The following ARHGAP10 variants were observed in gnomAD, a reference collection of about 807,000 sequenced individuals.
The protein encoded by ARHGAP10 is rho GTPase-activating protein 10.
Under a neutral mutation model 108.6 loss-of-function variants are expected in ARHGAP10, and 87 were observed. The ratio of observed to expected loss-of-function variants is 0.80; its 90% CI spans 0.67 to 0.96. The LOEUF (loss-of-function observed/expected upper bound fraction) is 0.96. ARHGAP10 is among the 40% of genes least tolerant of loss of function. The pLI, the probability that ARHGAP10 is intolerant of heterozygous loss-of-function variation, is 0.00. For synonymous variants in ARHGAP10, 347 were observed against 341.1 expected, an observed-to-expected ratio of 1.02 and a Z score of -0.19; for missense variants, 939 against 954.5, an observed-to-expected ratio of 0.98 and a Z score of 0.21.
chr4:148,006,359 A>C (rs1436845726), intron 18 of ARHGAP10, among the ~76,000 whole-genome samples: 1 of 152,264 alleles, frequency 6.6e-6, no homozygotes, highest in Non-Finnish European at 1.5e-5. Context: ...GGAGGCACCC[A>C]GCTGACAACG....
chr4:147,792,645 G>A (rs1269908145), intron 1 of ARHGAP10, among the ~76,000 whole-genome samples: 1 of 151,880 alleles, frequency 6.6e-6, no homozygotes, highest in Admixed American at 6.6e-5. Flanking sequence ...TGGTCCTCTG[G>A]GGCCTTGCTT....
chr4:148,029,525 TTTCGTTGACA>T (rs1728038801), intron 19 of ARHGAP10, among the ~76,000 whole-genome samples: 1 of 152,224 alleles, frequency 6.6e-6, no homozygotes, highest in Non-Finnish European at 1.5e-5. Flanking sequence ...TGGCATGGAT[TTTCGTTGACA>T]TTCTGTAGCT....
intron 10 of ARHGAP10, among the ~76,000 whole-genome samples, chr4:147,898,187 T>TTTGA (rs143720487): frequency 0.78 from 118,518 of 152,000 alleles, 48,822 homozygotes; most frequent in Non-Finnish European, 0.92. Context: ...TGCCTTAGGC[T>TTTGA]GCATTTCTTG....
Position 147,955,358 on chromosome 4 carries a change from T to G in ARHGAP10, c.1434T>G (p.Asp478Glu). 1 of 1,611,680 alleles carries G rather than the reference T, an allele frequency of 6.2e-7. No homozygotes were observed. The highest frequency in any genetic ancestry group is 8.5e-7 in the Non-Finnish European group (1 of 1,178,260). Residue 478 changes from aspartate to glutamate, a missense_variant, in exon 16 of 23, where the codon GAT becomes GAG. Transcript: ENST00000336498. The part of the protein sequence containing the change: ...EPLMTYELHG[D>E]FIVPAKSGSP... ...TCATGACCTATGAGTTACATGGAGA[T>G]TTCATTGTTCCAGCCAGTAAGTATT...
chr4:147,933,168 C>T (rs1318989049), intron 13 of ARHGAP10, among the ~76,000 whole-genome samples: 1 of 152,084 alleles, frequency 6.6e-6, no homozygotes. Flanking sequence ...GTCTCTGGTG[C>T]CTTATATTGC....
At chr4:147,909,269 A>T (rs554725043) in intron 11 of ARHGAP10, among the ~76,000 whole-genome samples, 3 of 152,326 alleles carry the variant, frequency 2.0e-5, no homozygotes, top group Admixed American at 6.5e-5. Flanking sequence ...CGGAGCCCCC[A>T]TGCCCTCAGT....
At chr4:147,909,308 A>G (rs1173302818) in intron 11 of ARHGAP10, among the ~76,000 whole-genome samples, 2 of 152,154 alleles carry the variant, frequency 1.3e-5, no homozygotes, top group Non-Finnish European at 2.9e-5. Flanking sequence ...GCACTTCCTC[A>G]TGTTCACCAA....
At chr4:147,970,528 G>C (rs944054353) in intron 18 of ARHGAP10, among the ~76,000 whole-genome samples, 4 of 152,084 alleles carry the variant, frequency 2.6e-5, no homozygotes, top group African/African-American at 9.7e-5. Context: ...ATGGCGAGAA[G>C]GAAGTCATTT....
chr4:147,981,110 T>C (rs1240401569), intron 18 of ARHGAP10, among the ~76,000 whole-genome samples: 1 of 152,182 alleles, frequency 6.6e-6, no homozygotes, highest in Non-Finnish European at 1.5e-5. Flanking sequence ...TTGCTAACTT[T>C]GGGTTTAGTT....
At chr4:148,019,301 T>C (rs772435286) in intron 18 of ARHGAP10, among the ~76,000 whole-genome samples, 3 of 152,236 alleles carry the variant, frequency 2.0e-5, no homozygotes, top group Non-Finnish European at 2.9e-5. Flanking sequence ...GTTACAATTA[T>C]ATTATGAATA....
rs370532827 is a variant in ARHGAP10, at chr4:147,754,114, T to A, written c.154+21659T>A. Among the ~76,000 whole-genome samples, 51 of 152,306 alleles carry A rather than the reference T, an allele frequency of 3.3e-4. 1 individual carries two copies. The East Asian group carries it at 9.3e-3, about 28-fold the overall frequency. Reference sequence around the variant, plus strand: ...AGTGTCTAGAACAGTGCCTTGCTCATAGGCACTGAGTCAGTACCCATCTGG... The same window carrying A: ...AGTGTCTAGAACAGTGCCTTGCTCAAAGGCACTGAGTCAGTACCCATCTGG... On this transcript the variant is annotated intron_variant, in intron 1 of 22. Coordinates refer to ENST00000336498, the MANE Select transcript of ARHGAP10 (RefSeq NM_024605.4).
chr4:147,806,426 C>A (rs940599001), intron 1 of ARHGAP10, among the ~76,000 whole-genome samples: 2 of 146,776 alleles, frequency 1.4e-5, no homozygotes, highest in African/African-American at 5.1e-5. Flanking sequence ...ATATATAATT[C>A]ATTATTAATA....
At chr4:147,962,272 A>C (rs1739027737) in intron 16 of ARHGAP10, among the ~76,000 whole-genome samples, 1 of 152,206 alleles carries the variant, frequency 6.6e-6, no homozygotes, top group Admixed American at 6.5e-5. Context: ...TCTGCTGCTA[A>C]AACCTGTCAG....
intron 1 of ARHGAP10, among the ~76,000 whole-genome samples, chr4:147,818,920 T>C (rs960932530): frequency 3.3e-5 from 5 of 152,218 alleles, no homozygotes; most frequent in African/African-American, 4.8e-5. Flanking sequence ...TAATGAACTC[T>C]GGTAAAACCC....
Position 147,741,699 on chromosome 4 carries a change from A to T in ARHGAP10, c.154+9244A>T, listed in dbSNP as rs1371980445. Among the ~76,000 whole-genome samples, 6 of 151,696 alleles carry T rather than the reference A, an allele frequency of 4.0e-5. No individual in the cohort carries two copies. In the East Asian group the frequency reaches 1.2e-3, roughly 29 times the overall value. ...TATTGTTCTCTTTATAAACACATAC[A>T]CACACACACAGAGAAAAACACCAGA... is the stretch of plus-strand genomic sequence containing the variant. On this transcript the variant is annotated intron_variant, in intron 1 of 22. Coordinates refer to ENST00000336498, the MANE Select transcript of ARHGAP10 (RefSeq NM_024605.4).
At chr4:147,780,826 A>G (rs1730500895) in intron 1 of ARHGAP10, among the ~76,000 whole-genome samples, 2 of 152,164 alleles carry the variant, frequency 1.3e-5, no homozygotes, top group Non-Finnish European at 2.9e-5. Flanking sequence ...TGCTGCCGGC[A>G]TGGCATCCTC....
At chr4:148,030,389 C>T (rs138448571) in intron 19 of ARHGAP10, among the ~76,000 whole-genome samples, 1 of 152,286 alleles carries the variant, frequency 6.6e-6, no homozygotes, top group East Asian at 1.9e-4. Flanking sequence ...CTTTTCAAAC[C>T]AACCAAAGTA....
intron 18 of ARHGAP10, among the ~76,000 whole-genome samples, chr4:148,001,478 G>T (rs565817125): frequency 6.6e-6 from 1 of 152,246 alleles, no homozygotes; most frequent in East Asian, 1.9e-4. Context: ...GATGGGGATG[G>T]CATTGAATCT....
intron 3 of ARHGAP10, among the ~76,000 whole-genome samples, chr4:147,825,915 CT>C (rs1381813214): frequency 3.3e-5 from 5 of 152,228 alleles, no homozygotes; most frequent in Non-Finnish European, 7.3e-5. Context: ...GCAAAAGTCT[CT>C]GCCTTCATGG....
Sources: allele counts gnomAD v4.1 joint callset (sites outside exome capture counted in the v4.1 genomes callset), GRCh38; gene constraint gnomAD v4.1.1; transcripts MANE v1.5; gene names NCBI Gene and HGNC (gene_info 2026-07-23, HGNC 2026-07-21).